Variants in LPCAT3 observed in about 807,000 individuals in gnomAD.
LPCAT3 encodes lysophospholipid acyltransferase 5.
In LPCAT3, 21 loss-of-function variants were observed where a neutral mutation model predicts 63.4. The observed-to-expected ratio is 0.33, with a 90% CI of 0.23 to 0.48. LPCAT3 has a LOEUF of 0.48. LPCAT3 is among the 20% of genes least tolerant of loss of function. The pLI is 0.99. For missense variants in LPCAT3, 451 were observed against 590.6 expected, an observed-to-expected ratio of 0.76 and a Z score of 2.45; for synonymous variants, 242 against 227.5, an observed-to-expected ratio of 1.06 and a Z score of -0.58.
chr12:6,987,421 T>A lies in LPCAT3; in HGVS notation c.152-3882A>T, dbSNP rs782749162. On this transcript the variant is annotated intron_variant, in intron 1 of 12. Coordinates refer to ENST00000261407, the MANE Select transcript of LPCAT3 (RefSeq NM_005768.6). This position sits in a 1 kb window ranked among gnomAD's most constrained non-coding sequence, Gnocchi z 4.1. ...TCTATGACCCTTTCAGGTAGATCAATGAGCAAGGAAATAGGATCAAGTCTC... is the reference window on the plus strand; with the variant it reads ...TCTATGACCCTTTCAGGTAGATCAAAGAGCAAGGAAATAGGATCAAGTCTC... Among the ~76,000 whole-genome samples, 293 of 152,292 alleles carry A rather than the reference T, an allele frequency of 1.9e-3. 1 individual carries two copies. Among genetic ancestry groups the A allele is most frequent in the African/African-American group, 6.5e-3 (272 of 41,558 alleles).
In LPCAT3 at chr12:7,017,858, A is replaced by G. The variant is rs781916115; in HGVS notation, c.151+416T>C. Among the ~76,000 whole-genome samples, 7 of 152,372 alleles carry G rather than the reference A, an allele frequency of 4.6e-5. No homozygotes were observed. Among genetic ancestry groups the G allele is most frequent in the East Asian group, 3.9e-4 (2 of 5,186 alleles). On this transcript the variant is annotated intron_variant, in intron 1 of 12. Transcript: ENST00000261407. This position sits in a 1 kb window ranked among gnomAD's most constrained non-coding sequence, Gnocchi z 4.1. ...GGAATATGGGGCTGAAAAGGCCGAA[A>G]GGGCTAAAGTTAGGGGCCCTATGCC...
chr12:6,991,576 G>A (rs1555155504), intron 1 of LPCAT3, among the ~76,000 whole-genome samples: 1 of 152,166 alleles, frequency 6.6e-6, no homozygotes, highest in African/African-American at 2.4e-5. Context: ...TCATGGGAGT[G>A]GATACAAGTT....
At position 7,006,519 on chromosome 12, in the gene LPCAT3, G is replaced by A. The variant is rs191223200; in HGVS notation, c.151+11755C>T. 9.3e-4 allele frequency among the ~76,000 whole-genome samples: 142 copies of A among 152,210 alleles called. 1 individual carries two copies. Among genetic ancestry groups the A allele is most frequent in the Admixed American group, 2.1e-3 (32 of 15,294 alleles). ...CAGGCGTGAGCCATGGTGCCTGGCC[G>A]ATGGTATACATTTTAAAAATAAATG... is the stretch of plus-strand genomic sequence containing the variant. On this transcript the variant is annotated intron_variant, in intron 1 of 12. Transcript: ENST00000261407.
intron 1 of LPCAT3, among the ~76,000 whole-genome samples, chr12:7,001,130 T>C (rs1186575617): frequency 1.3e-5 from 2 of 151,548 alleles, no homozygotes; most frequent in African/African-American, 4.9e-5. Flanking sequence ...AAATTAAATC[T>C]ATAGAAAGTA....
chr12:6,979,281 G>T, intron 7 of LPCAT3, 190 bp downstream of exon 7: 1 of 598,446 alleles, frequency 1.7e-6, no homozygotes, highest in South Asian at 2.0e-5. Context: ...CTGTGCCCGC[G>T]AAGGTTGTTC....
At chr12:6,992,762 T>C (rs1351993692) in intron 1 of LPCAT3, among the ~76,000 whole-genome samples, 1 of 152,220 alleles carries the variant, frequency 6.6e-6, no homozygotes, top group African/African-American at 2.4e-5. Flanking sequence ...GTTTCATTGG[T>C]TTTGAATACA....
At chr12:6,978,745 T>G (rs990753232) in intron 7 of LPCAT3, 56 bp from the exon 8 acceptor site, 135 of 1,596,588 alleles carry the variant, frequency 8.5e-5, no homozygotes, top group Non-Finnish European at 1.1e-4. Flanking sequence ...GCAGTTTCTC[T>G]CAGCACTCTT....
At chr12:7,000,415 G>T (rs1467735560) in intron 1 of LPCAT3, among the ~76,000 whole-genome samples, 1 of 149,198 alleles carries the variant, frequency 6.7e-6, no homozygotes, top group Non-Finnish European at 1.5e-5. Flanking sequence ...GTGACGCCCC[G>T]TCTCTACTAA....
chr12:7,004,941 C>T (rs961973707), intron 1 of LPCAT3, among the ~76,000 whole-genome samples: 1 of 151,912 alleles, frequency 6.6e-6, no homozygotes, highest in African/African-American at 2.4e-5. Context: ...ATGCATAGTC[C>T]TTCTTTCTTC....
intron 1 of LPCAT3, among the ~76,000 whole-genome samples, chr12:7,016,529 G>A (rs1457873464): frequency 6.6e-6 from 1 of 152,018 alleles, no homozygotes; most frequent in South Asian, 2.1e-4. Context: ...TGCCCACCTT[G>A]GCCTCCCAAA....
intron 1 of LPCAT3, among the ~76,000 whole-genome samples, chr12:7,007,444 A>G (rs1351580241): frequency 2.0e-5 from 3 of 151,518 alleles, no homozygotes; most frequent in Admixed American, 6.6e-5. Flanking sequence ...TAAAAGTGCC[A>G]TAGCAACATG....
chr12:6,999,439 A>ACT (rs1946666329), intron 1 of LPCAT3, among the ~76,000 whole-genome samples: 2 of 152,282 alleles, frequency 1.3e-5, no homozygotes, highest in South Asian at 4.1e-4. Context: ...TTAGTTTTTT[A>ACT]CTCTCTCAAC....
intron 1 of LPCAT3, among the ~76,000 whole-genome samples, chr12:7,012,339 C>T (rs1488414221): frequency 1.3e-5 from 2 of 151,884 alleles, no homozygotes; most frequent in African/African-American, 2.4e-5. Flanking sequence ...CCAATCTCAG[C>T]GGTAAAGAGC....
intron 1 of LPCAT3, among the ~76,000 whole-genome samples, chr12:7,010,831 GA>G (rs2138360814): frequency 6.6e-6 from 1 of 152,066 alleles, no homozygotes; most frequent in Non-Finnish European, 1.5e-5. Context: ...AAAGTGGTTG[GA>G]AAAAATATAT....
intron 1 of LPCAT3, among the ~76,000 whole-genome samples, chr12:7,009,326 G>C (rs1191466374): frequency 6.6e-6 from 1 of 152,204 alleles, no homozygotes; most frequent in Non-Finnish European, 1.5e-5. Context: ...CTCCCAAAGT[G>C]CTGGGATTAC....
chr12:6,982,696 T>G lies in LPCAT3; in HGVS notation c.346A>C (p.Thr116Pro). The stretch of plus-strand genomic sequence containing the variant: ...TTTACCATCTGGAAGCAAAAGGTAG[T>G]GAGGACGGCAGTGATGGTGCGGCCC... ...LMGRTITAVLTTFCFQMAYLL... is the reference protein window; with the variant it reads ...LMGRTITAVLPTFCFQMAYLL... Residue 116 changes from threonine (T) to proline (P), a missense_variant, in exon 3 of 13, where the codon ACT becomes CCT. Thr to Pro is a conservative substitution (Grantham distance 38). Transcript: ENST00000261407. 1 of 1,613,178 alleles carries G rather than the reference T, an allele frequency of 6.2e-7. No homozygotes were observed. The highest frequency in any genetic ancestry group is 8.5e-7 in the Non-Finnish European group (1 of 1,179,136).
intron 1 of LPCAT3, among the ~76,000 whole-genome samples, chr12:6,986,303 C>T (rs1208135777): frequency 6.6e-6 from 1 of 152,222 alleles, no homozygotes; most frequent in African/African-American, 2.4e-5. Context: ...TGCTGATCCA[C>T]TTCCACTGAA....
At position 6,988,108 on chromosome 12, in the gene LPCAT3, A is replaced by C. The variant is rs79509260; in HGVS notation, c.152-4569T>G. On this transcript the variant is annotated intron_variant, in intron 1 of 12. Transcript: ENST00000261407. ...GCTTGGGTGCTTTCCTTATGGACTTAGGCCTGGTAACATCTGTTCTGGCCA... is the reference window on the plus strand; with the variant it reads ...GCTTGGGTGCTTTCCTTATGGACTTCGGCCTGGTAACATCTGTTCTGGCCA... 3.0e-3 allele frequency: 848 copies of C among 282,180 alleles called. 38 individuals carry two copies. In the East Asian group the frequency reaches 0.049, roughly 16 times the overall value. 17.5% of individuals were successfully genotyped at this position (282,180 alleles called of 1,614,324 possible).
At chr12:6,999,403 A>C (rs1555156342) in intron 1 of LPCAT3, among the ~76,000 whole-genome samples, 1 of 152,260 alleles carries the variant, frequency 6.6e-6, no homozygotes, top group Admixed American at 6.5e-5. Flanking sequence ...GTGAGAAAGA[A>C]AGAAAAAGGG....
Sources: allele counts gnomAD v4.1 joint callset (sites outside exome capture counted in the v4.1 genomes callset), GRCh38; gene constraint gnomAD v4.1.1; non-coding constraint Gnocchi (gnomAD v3.1); transcripts MANE v1.5; gene names NCBI Gene and HGNC (gene_info 2026-07-23, HGNC 2026-07-21).